The following MINDY4B variants were observed in gnomAD, a reference collection of about 807,000 sequenced individuals.
The protein encoded by MINDY4B is MINDY family member 4B.
Under a neutral mutation model 16.7 loss-of-function variants are expected in MINDY4B, and 25 were observed. The ratio of observed to expected loss-of-function variants is 1.49; its 90% CI spans 1.09 to 2.09. MINDY4B has a LOEUF of 2.09. Among genes scored for constraint, MINDY4B ranks in the 30% most tolerant of loss-of-function variants. The pLI is 0.00. For missense variants in MINDY4B, 327 were observed against 168.4 expected, an observed-to-expected ratio of 1.94 and a Z score of -5.21; for synonymous variants, 132 against 61.9, an observed-to-expected ratio of 2.13 and a Z score of -5.32.
chr3:150,899,078 C>G (rs1712049134), intron 3 of MINDY4B, among the ~76,000 whole-genome samples: 1 of 152,178 alleles, frequency 6.6e-6, no homozygotes. Context: ...TTGGTTCTAT[C>G]ATGTTTGCCA....
chr3:150,886,795 C>A (rs547930729), intron 7 of MINDY4B, among the ~76,000 whole-genome samples: 3 of 152,244 alleles, frequency 2.0e-5, no homozygotes, highest in South Asian at 2.1e-4. Flanking sequence ...TTATAAAGAC[C>A]CTTTTGATTA....
At chr3:150,885,233 T>C (rs1412428834) in intron 8 of MINDY4B, 135 bp downstream of exon 8, 11 of 607,974 alleles carry the variant, frequency 1.8e-5, no homozygotes, top group Non-Finnish European at 2.9e-5. Context: ...AAAGGACGTG[T>C]CAACAAAAGA....
chr3:150,881,024 C>A (rs1711517325), intron 10 of MINDY4B, among the ~76,000 whole-genome samples: 2 of 152,222 alleles, frequency 1.3e-5, no homozygotes, highest in African/African-American at 4.8e-5. Flanking sequence ...ATAAACAATT[C>A]TCTGTCCAGG....
intron 5 of MINDY4B, among the ~76,000 whole-genome samples, 158 bp downstream of exon 5, chr3:150,893,166 A>T (rs1422074055): frequency 6.6e-6 from 1 of 152,152 alleles, no homozygotes; most frequent in African/African-American, 2.4e-5. Context: ...AGCCCTTCCC[A>T]GTGGCAGAAT....
chr3:150,886,694 C>G (rs1257439491), intron 7 of MINDY4B, among the ~76,000 whole-genome samples: 1 of 152,198 alleles, frequency 6.6e-6, no homozygotes, highest in Non-Finnish European at 1.5e-5. Context: ...AAGTCACCCT[C>G]ATTCCTTGGC....
At chr3:150,893,238 C>T in intron 5 of MINDY4B, 86 bp downstream of exon 5, 1 of 688,742 alleles carries the variant, frequency 1.5e-6, no homozygotes, top group Non-Finnish European at 2.7e-6. Flanking sequence ...CTTTCTGAGA[C>T]AACCTGAATT....
chr3:150,879,280 A>G (rs1559964600), intron 10 of MINDY4B, among the ~76,000 whole-genome samples: 1 of 151,950 alleles, frequency 6.6e-6, no homozygotes, highest in African/African-American at 2.4e-5. Flanking sequence ...ACTAGGGTCA[A>G]TTTTGCTCCC....
intron 11 of MINDY4B, 55 bp downstream of exon 11, chr3:150,873,132 C>G (rs1717008288): frequency 1.5e-6 from 1 of 651,946 alleles, no homozygotes; most frequent in Admixed American, 2.3e-5. Flanking sequence ...ACATTGGCAA[C>G]CGCATCTCTT....
Position 150,905,378 on chromosome 3 carries a change from G to C in MINDY4B, c.62C>G (p.Ser21Ter). Residue 21 changes from serine to a stop codon, truncating the protein, a stop_gained, in exon 1 of 12, where the codon TCA (serine) becomes TGA (stop). Coordinates refer to ENST00000465419, the MANE Select transcript of MINDY4B (RefSeq NM_001351281.2). LOFTEE classifies it high-confidence loss of function. ...TTTGTCAAGGAATGAAATTTTCCTT[G>C]AGATCTCCTCTAAATCCAGCTGTTC... Reference protein sequence around the residue: ...SSEQLDLEEISRKISFLDKWR... With the variant: ...SSEQLDLEEI 1 of 398,504 alleles carries C rather than the reference G, an allele frequency of 2.5e-6. No homozygotes were observed. The highest frequency in any genetic ancestry group is 4.4e-6 in the Non-Finnish European group (1 of 225,990). The allele number at this position is 398,504 out of a possible 1,614,324, so 24.7% of individuals were successfully genotyped here.
chr3:150,871,892 A>G (rs1287850188), intron 11 of MINDY4B, among the ~76,000 whole-genome samples: 1 of 152,148 alleles, frequency 6.6e-6, no homozygotes, highest in Non-Finnish European at 1.5e-5. Flanking sequence ...CTCAGAATAC[A>G]TTTGCATTTT....
chr3:150,899,714 T>C (rs1027056732), intron 3 of MINDY4B, among the ~76,000 whole-genome samples: 9 of 151,692 alleles, frequency 5.9e-5, no homozygotes, highest in African/African-American at 1.9e-4. Flanking sequence ...CGGAGAAGAG[T>C]GGACCATGCA....
chr3:150,893,463 A>ATGTTATCTAT (rs1332352963), intron 4 of MINDY4B, 48 bp from the exon 5 acceptor site: 1 of 702,478 alleles, frequency 1.4e-6, no homozygotes, highest in East Asian at 2.7e-5. Context: ...TTGGAAATTA[A>ATGTTATCTAT]TGTTATCTAT....
chr3:150,902,684 T>C lies in MINDY4B; in HGVS notation c.309+565A>G, dbSNP rs557193890. On this transcript the variant is annotated intron_variant, in intron 3 of 11. Transcript: ENST00000465419. ...CCCCCACCCTGGTGAAGTCTTGAAT[T>C]GAGCAAATGGTCCCCGGGACCAATA... Among the ~76,000 whole-genome samples, 3 of 152,352 alleles carry C rather than the reference T, an allele frequency of 2.0e-5. No individual in the cohort carries two copies. In the South Asian group the frequency reaches 6.2e-4, roughly 32 times the overall value.
intron 10 of MINDY4B, among the ~76,000 whole-genome samples, chr3:150,880,389 T>C (rs932388168): frequency 4.6e-5 from 7 of 151,934 alleles, no homozygotes; most frequent in Admixed American, 2.6e-4. Flanking sequence ...AAGTGGATGG[T>C]ACAAGGAGAC....
intron 10 of MINDY4B, among the ~76,000 whole-genome samples, chr3:150,876,907 C>T (rs1166499469): frequency 1.3e-5 from 2 of 152,112 alleles, no homozygotes; most frequent in African/African-American, 2.4e-5. Context: ...ACCTCACACT[C>T]AAATCTGTAC....
At position 150,884,710 on chromosome 3, in the gene MINDY4B, T is replaced by C. The variant is rs16862970; in HGVS notation, c.824+658A>G. On this transcript the variant is annotated intron_variant, in intron 8 of 11. Transcript: ENST00000465419. ...CCGCAGGGTTGTAATCCTTCCCTCC[T>C]GAGAGACCTCTATTTCTGACTCTCC... 3.0e-3 allele frequency among the ~76,000 whole-genome samples: 453 copies of C among 152,334 alleles called. 3 individuals are homozygous for C. The highest frequency in any genetic ancestry group is 0.011 in the African/African-American group (442 of 41,578).
At chr3:150,880,975 C>T (rs1711517042) in intron 10 of MINDY4B, among the ~76,000 whole-genome samples, 2 of 152,126 alleles carry the variant, frequency 1.3e-5, no homozygotes, top group African/African-American at 4.8e-5. Flanking sequence ...AGATGAATTC[C>T]CAAATTATCT....
At chr3:150,874,476 T>C (rs1191104112) in intron 10 of MINDY4B, among the ~76,000 whole-genome samples, 1 of 152,248 alleles carries the variant, frequency 6.6e-6, no homozygotes, top group Non-Finnish European at 1.5e-5. Flanking sequence ...TTTTAAAGGC[T>C]TTCCATCAAA....
chr3:150,873,617 C>T (rs1717019756), intron 10 of MINDY4B, among the ~76,000 whole-genome samples: 1 of 152,028 alleles, frequency 6.6e-6, no homozygotes, highest in Non-Finnish European at 1.5e-5. Flanking sequence ...TTTTGGTGGC[C>T]TCACAGAGGA....
Sources: allele counts gnomAD v4.1 joint callset (sites outside exome capture counted in the v4.1 genomes callset), GRCh38; gene constraint gnomAD v4.1.1; transcripts MANE v1.5; gene names NCBI Gene and HGNC (gene_info 2026-07-23, HGNC 2026-07-21).